Variants in FAM169A observed in about 807,000 individuals in gnomAD.
FAM169A encodes the protein family with sequence similarity 169 member A.
FAM169A carries 24 observed loss-of-function variants against 75.7 expected under a neutral mutation model. That is an observed-to-expected ratio of 0.32 (90% confidence interval 0.23 to 0.45). FAM169A has a LOEUF of 0.45. Ranked by LOEUF, FAM169A falls within the 20% of genes least tolerant of loss-of-function variation. The pLI is 1.00. For missense variants in FAM169A, 673 were observed against 784.0 expected (o/e 0.86, Z 1.69); for synonymous variants, 271 against 271.0 (o/e 1.00, Z 0.00).
At chr5:74,783,203 G>A (rs979793943) in intron 11 of FAM169A, 69 bp from the exon 12 acceptor site, 19 of 1,157,314 alleles carry the variant, frequency 1.6e-5, no homozygotes, top group Non-Finnish European at 2.1e-5. Context: ...CATGCATGAC[G>A]GGTCCCTTCT....
Position 74,779,472 on chromosome 5 carries a change from G to T in FAM169A, c.*1988C>A. ...CCAAGTAAAAATAAAATATCTACAAGTGTTTTCAAATCTAAGAAATGAAAC... is the reference window on the plus strand; with the variant it reads ...CCAAGTAAAAATAAAATATCTACAATTGTTTTCAAATCTAAGAAATGAAAC... On this transcript the variant is annotated 3_prime_UTR_variant, in exon 13 of 13. Transcript: ENST00000687041. The T allele has an allele frequency of 6.6e-6, 1 of 152,036 alleles. No homozygotes were observed. Among genetic ancestry groups the T allele is most frequent in the East Asian group, 1.9e-4 (1 of 5,194 alleles). The allele number at this position is 152,036 out of a possible 1,614,324, so 9.4% of individuals were successfully genotyped here.
chr5:74,822,151 A>G (rs1747796068), intron 5 of FAM169A, among the ~76,000 whole-genome samples: 1 of 152,224 alleles, frequency 6.6e-6, no homozygotes, highest in South Asian at 2.1e-4. Context: ...AGGCTACACA[A>G]GGATGTAAAT....
intron 5 of FAM169A, among the ~76,000 whole-genome samples, chr5:74,833,388 G>C (rs901054269): frequency 5.3e-5 from 8 of 152,050 alleles, no homozygotes; most frequent in Non-Finnish European, 7.4e-5. Context: ...AAAAGTTACT[G>C]GTTCTATTTC....
rs1167386908 is a variant in FAM169A, at chr5:74,777,975, G to A, written c.*3485C>T. 6.6e-6 allele frequency: 1 copy of A among 151,994 alleles called. No individual in the cohort carries two copies. The highest frequency in any genetic ancestry group is 1.5e-5 in the Non-Finnish European group (1 of 67,898). 9.4% of individuals were successfully genotyped at this position (151,994 alleles called of 1,614,324 possible). On this transcript the variant is annotated 3_prime_UTR_variant, in exon 13 of 13. Transcript: ENST00000687041. ...TGATACAATCACTTGATGACAGAAG[G>A]TAAGCCTTTCTTACAATTAGATTTT... is the stretch of plus-strand genomic sequence containing the variant.
chr5:74,838,093 G>A (rs867306035), intron 4 of FAM169A, among the ~76,000 whole-genome samples: 25 of 119,686 alleles, frequency 2.1e-4, no homozygotes, highest in Middle Eastern at 9.1e-3. Context: ...CAGCCTAGGC[G>A]ACAAGAGCGA....
At chr5:74,845,878 C>A (rs1364722037) in intron 1 of FAM169A, among the ~76,000 whole-genome samples, 1 of 152,094 alleles carries the variant, frequency 6.6e-6, no homozygotes, top group African/African-American at 2.4e-5. Flanking sequence ...TTAGCTTGGG[C>A]AAATCTTTGT....
At chr5:74,786,824 G>A (rs907784196) in intron 11 of FAM169A, among the ~76,000 whole-genome samples, 1 of 152,202 alleles carries the variant, frequency 6.6e-6, no homozygotes, top group Non-Finnish European at 1.5e-5. Context: ...GCCTCGCCAG[G>A]TGTCTACTCT....
intron 5 of FAM169A, among the ~76,000 whole-genome samples, chr5:74,817,967 T>C (rs1747557296): frequency 6.6e-6 from 1 of 152,188 alleles, no homozygotes; most frequent in South Asian, 2.1e-4. Context: ...AAAATAATGA[T>C]GTCAGGTACC....
intron 5 of FAM169A, among the ~76,000 whole-genome samples, chr5:74,825,819 G>A (rs908429781): frequency 6.6e-6 from 1 of 152,038 alleles, no homozygotes; most frequent in Admixed American, 6.6e-5. Context: ...TCACTTTATG[G>A]AGGCTTTCAA....
At chr5:74,828,702 G>T (rs956752528) in intron 5 of FAM169A, among the ~76,000 whole-genome samples, 1 of 152,154 alleles carries the variant, frequency 6.6e-6, no homozygotes, top group African/African-American at 2.4e-5. Flanking sequence ...GGCATCTTAG[G>T]ATTCAGTTAC....
chr5:74,801,519 G>T, intron 9 of FAM169A, 71 bp downstream of exon 9: 1 of 1,031,762 alleles, frequency 9.7e-7, no homozygotes, highest in Non-Finnish European at 1.5e-6. Context: ...ACACATGCAT[G>T]CACACACACA....
rs773243071 is a variant in FAM169A at position 74,781,618 on chromosome 5, A to C, written c.1855T>G (p.Ser619Ala). ...TGTGTAAACTGATCCAGTTGCTCGGAAGATGCTTCAGACTGCTCCTCTGAC... is the reference window on the plus strand; with the variant it reads ...TGTGTAAACTGATCCAGTTGCTCGGCAGATGCTTCAGACTGCTCCTCTGAC... ...NQSEEQSEASSEQLDQFTQSA... is the reference protein window; with the variant it reads ...NQSEEQSEASAEQLDQFTQSA... The change falls in exon 13 of 13, where the codon TCC becomes GCC. Residue 619 changes from serine to alanine, a missense_variant. Around this residue, in one of 3 missense-constraint regions of FAM169A, gnomAD observed 510 missense variants for 550.9 expected, o/e 0.93. Transcript: ENST00000687041. 6.2e-7 allele frequency: 1 copy of C among 1,614,128 alleles called. No individual in the cohort carries two copies. Among genetic ancestry groups the C allele is most frequent in the Non-Finnish European group, 8.5e-7 (1 of 1,180,012 alleles).
intron 5 of FAM169A, among the ~76,000 whole-genome samples, chr5:74,822,041 A>G (rs1318914095): frequency 6.6e-6 from 1 of 152,206 alleles, no homozygotes; most frequent in Non-Finnish European, 1.5e-5. Flanking sequence ...ACTAGCTTCT[A>G]AGAGTGCCAA....
intron 11 of FAM169A, among the ~76,000 whole-genome samples, chr5:74,792,468 C>T (rs1282978778): frequency 6.6e-6 from 1 of 152,120 alleles, no homozygotes; most frequent in Non-Finnish European, 1.5e-5. Flanking sequence ...GCTTCCTGCC[C>T]TCAAACATCA....
chr5:74,833,285 AAAC>A (rs140836485), intron 5 of FAM169A, among the ~76,000 whole-genome samples: 12,887 of 152,200 alleles, frequency 0.085, 666 homozygotes, highest in Admixed American at 0.16. Context: ...AAACATTTAA[AAAC>A]AACAAAGTGA....
At chr5:74,834,727 T>G in intron 4 of FAM169A, 130 bp from the exon 5 acceptor site, 1 of 579,300 alleles carries the variant, frequency 1.7e-6, no homozygotes, top group Non-Finnish European at 2.7e-6. Flanking sequence ...TCAAAAAAAT[T>G]TGCAAAACAT....
intron 1 of FAM169A, among the ~76,000 whole-genome samples, chr5:74,842,351 G>A (rs1748914500): frequency 7.1e-6 from 1 of 141,576 alleles, no homozygotes; most frequent in Non-Finnish European, 1.5e-5. Flanking sequence ...AACCCGGGAG[G>A]CAGAGGTTGC....
At chr5:74,824,157 T>C (rs542317588) in intron 5 of FAM169A, among the ~76,000 whole-genome samples, 1 of 152,292 alleles carries the variant, frequency 6.6e-6, no homozygotes, top group African/African-American at 2.4e-5. Context: ...CCTTCAGTAG[T>C]GGGCTAAACT....
At chr5:74,866,526 C>G, upstream of FAM169A, 16 of 591,798 alleles carry the variant, frequency 2.7e-5, no homozygotes, top group Non-Finnish European at 3.4e-5. Context: ...CTTTCAGGCG[C>G]CGGCCCGGCA....
Sources: allele counts gnomAD v4.1 joint callset (sites outside exome capture counted in the v4.1 genomes callset), GRCh38; gene constraint gnomAD v4.1.1; regional missense constraint gnomAD v4.1.1; transcripts MANE v1.5; gene names NCBI Gene and HGNC (gene_info 2026-07-23, HGNC 2026-07-21).